Variants in GPATCH8 observed in about 807,000 individuals in gnomAD.
GPATCH8 encodes G patch domain-containing protein 8.
GPATCH8 carries 18 observed loss-of-function variants against 118.3 expected under a neutral mutation model. The ratio of observed to expected loss-of-function variants is 0.15; its 90% confidence interval spans 0.11 to 0.23. GPATCH8 has a LOEUF of 0.23. Among genes scored for constraint, GPATCH8 ranks in the 10% least tolerant of loss-of-function variants. The pLI, the probability that GPATCH8 is intolerant of heterozygous loss-of-function variation, is 1.00. For synonymous variants in GPATCH8, 659 were observed against 684.7 expected (o/e 0.96, Z 0.59); for missense variants, 1,631 against 1,873.8 (o/e 0.87, Z 2.39).
At chr17:44,436,979 G>A (rs1379721386) in intron 3 of GPATCH8, among the ~76,000 whole-genome samples, 1 of 151,828 alleles carries the variant, frequency 6.6e-6, no homozygotes, top group Non-Finnish European at 1.5e-5. Flanking sequence ...TGGTTAAATA[G>A]AAAAAGTACA....
At chr17:44,489,734 G>A (rs766748287) in intron 1 of GPATCH8, among the ~76,000 whole-genome samples, 20 of 152,156 alleles carry the variant, frequency 1.3e-4, no homozygotes, top group Non-Finnish European at 2.6e-4. Flanking sequence ...TATAATAATA[G>A]TAGTAGTAAT....
intron 6 of GPATCH8, among the ~76,000 whole-genome samples, chr17:44,420,987 G>C (rs1296772379): frequency 6.6e-6 from 1 of 151,908 alleles, no homozygotes; most frequent in African/African-American, 2.4e-5. Context: ...GAGCAGCTGG[G>C]ACTACTAGCC....
chr17:44,422,811 A>T lies in GPATCH8; in HGVS notation c.492+1538T>A, dbSNP rs141055058. 2.7e-3 allele frequency among the ~76,000 whole-genome samples: 409 copies of T among 152,040 alleles called. 1 individual carries two copies. The highest frequency in any genetic ancestry group is 9.2e-3 in the African/African-American group (380 of 41,458). ...ATTTTTAAATTATAAATACTTTGAA[A>T]AACTGGAAAAGGTCCTGGATAGAAG... On this transcript the variant is annotated intron_variant, in intron 6 of 7. Coordinates refer to ENST00000591680, the MANE Select transcript of GPATCH8 (RefSeq NM_001002909.4).
chr17:44,461,363 T>C (rs546958131), intron 3 of GPATCH8, among the ~76,000 whole-genome samples: 1 of 151,992 alleles, frequency 6.6e-6, no homozygotes, highest in African/African-American at 2.4e-5. Flanking sequence ...TTTTTTTTTT[T>C]TGTAGAGATG....
At position 44,397,576 on chromosome 17, in the gene GPATCH8, C is replaced by T; in HGVS notation, c.4501G>A (p.Gly1501Ser). The T allele has an allele frequency of 6.2e-7, 1 of 1,611,508 alleles. No individual in the cohort carries two copies. Among genetic ancestry groups the T allele is most frequent in the South Asian group, 1.1e-5 (1 of 91,022 alleles). The change falls in exon 8 of 8, where the codon GGC (glycine) becomes AGC (serine). Residue 1501 changes from glycine (G) to serine (S), a missense_variant. This residue lies in a region of GPATCH8 where 65 missense variants were observed against 105.3 expected (regional missense o/e 0.62). Coordinates refer to ENST00000591680, the MANE Select transcript of GPATCH8 (RefSeq NM_001002909.4). The part of the protein sequence containing the change: ...GQDLQHPPSH[G>S]T ...GGATCCCATCCCCCAACTCACGTGC[C>T]ATGGCTGGGGGGATGTTGCAGGTCC... is the stretch of plus-strand genomic sequence containing the variant.
intron 1 of GPATCH8, among the ~76,000 whole-genome samples, chr17:44,483,200 T>G (rs1298286781): frequency 1.3e-5 from 1 of 74,788 alleles, no homozygotes; most frequent in Non-Finnish European, 2.6e-5. Flanking sequence ...TATATATATA[T>G]ATATATATAT....
Position 44,400,456 on chromosome 17 carries a change from A to G in GPATCH8, c.1621T>C (p.Leu541=). ...AGGGCAGTGCTTTCATCTTTGCTCA[A>G]AACTGGGAAGAAGGGACCAGTAGGA... ...KHPTGPFFPV[L]SKDESTALQW... is the part of the protein sequence containing the mutation. The change falls in exon 8 of 8, where the codon TTG becomes CTG. Residue 541 remains leucine, a synonymous_variant. Transcript: ENST00000591680. The G allele has an allele frequency of 6.2e-7, 1 of 1,614,216 alleles. No homozygotes were observed. The highest frequency in any genetic ancestry group is 8.5e-7 in the Non-Finnish European group (1 of 1,180,028).
chr17:44,475,648 C>T (rs1967704664), intron 1 of GPATCH8, among the ~76,000 whole-genome samples: 1 of 151,804 alleles, frequency 6.6e-6, no homozygotes, highest in South Asian at 2.1e-4. Context: ...GAGCCGAGAT[C>T]GCACCACTGC....
At chr17:44,474,371 T>G (rs756842746) in intron 2 of GPATCH8, 4 of 233,710 alleles carry the variant, frequency 1.7e-5, no homozygotes. Context: ...TTCACAACAG[T>G]CTGGTAAATA....
chr17:44,483,154 CAAAAA>C (rs1178488342), intron 1 of GPATCH8, among the ~76,000 whole-genome samples: 1 of 846 alleles, frequency 1.2e-3, no homozygotes. Context: ...GACTCCGTCT[CAAAAA>C]AAAAAAAAAA....
chr17:44,398,469 A>G lies in GPATCH8; in HGVS notation c.3608T>C (p.Leu1203Ser). ...FPSEETTGPL[L>S]DPPPEESKSG... ...CTTTGACTCTTCTGGGGGTGGGTCT[A>G]ATAAGGGGCCAGTTGTTTCCTCTGA... is the stretch of plus-strand genomic sequence containing the variant. The change falls in exon 8 of 8, where the codon TTA becomes TCA. Residue 1203 changes from leucine to serine, a missense_variant. Coordinates refer to ENST00000591680, the MANE Select transcript of GPATCH8 (RefSeq NM_001002909.4). 2 of 1,611,302 alleles carry G rather than the reference A, an allele frequency of 1.2e-6. No individual in the cohort carries two copies. Among genetic ancestry groups the G allele is most frequent in the Non-Finnish European group, 1.7e-6 (2 of 1,178,454 alleles).
intron 6 of GPATCH8, among the ~76,000 whole-genome samples, chr17:44,411,490 A>G (rs1215817741): frequency 2.6e-5 from 4 of 152,214 alleles, no homozygotes; most frequent in African/African-American, 9.6e-5. Flanking sequence ...TTTCTCGAGT[A>G]TTTAAAATTG....
intron 3 of GPATCH8, among the ~76,000 whole-genome samples, chr17:44,453,678 C>T (rs1456878546): frequency 1.3e-5 from 2 of 152,050 alleles, no homozygotes; most frequent in African/African-American, 2.4e-5. Flanking sequence ...GTGCACATCA[C>T]CATGCCAGGC....
At chr17:44,435,174 A>G in intron 4 of GPATCH8, 23 bp from the exon 5 acceptor site, 1 of 1,072,422 alleles carries the variant, frequency 9.3e-7, no homozygotes. Context: ...AGATATGATT[A>G]GATTTAATTC....
chr17:44,447,888 G>C (rs935687673), intron 3 of GPATCH8, among the ~76,000 whole-genome samples: 2 of 152,176 alleles, frequency 1.3e-5, no homozygotes, highest in African/African-American at 4.8e-5. Flanking sequence ...GAACGCTCAA[G>C]GGTTCAGAAA....
At chr17:44,477,400 A>C (rs753057470) in intron 1 of GPATCH8, among the ~76,000 whole-genome samples, 5 of 152,032 alleles carry the variant, frequency 3.3e-5, no homozygotes, top group Non-Finnish European at 2.9e-5. Context: ...ATGCTACTGA[A>C]CTGTATCCTT....
intron 3 of GPATCH8, among the ~76,000 whole-genome samples, chr17:44,446,096 T>A (rs1464958476): frequency 6.6e-6 from 1 of 151,494 alleles, no homozygotes; most frequent in East Asian, 2.0e-4. Flanking sequence ...CTCACCACCA[T>A]GTGTGGCTAA....
chr17:44,500,645 C>A (rs1969987607), intron 1 of GPATCH8, among the ~76,000 whole-genome samples: 1 of 152,200 alleles, frequency 6.6e-6, no homozygotes. Context: ...AACTTTAAAT[C>A]ATCCTGCTAA....
Position 44,420,845 on chromosome 17 carries a change from AC to A in GPATCH8, c.492+3503del, listed in dbSNP as rs373622355. ...TATACATTATTGAAGTTTGAATTAT[AC>A]TTTTTCCTGGTTTACTTTTTTCTTT... On this transcript the variant is annotated intron_variant, in intron 6 of 7. Transcript: ENST00000591680. 4.6e-5 allele frequency among the ~76,000 whole-genome samples: 7 copies of A among 152,122 alleles called. No individual in the cohort carries two copies. The East Asian group carries it at 1.4e-3, about 29-fold the overall frequency.
Sources: gnomAD v4.1 joint callset for allele counts (sites outside exome capture counted in the v4.1 genomes callset) on GRCh38, gnomAD v4.1.1 for gene constraint, gnomAD v4.1.1 regional missense constraint, MANE v1.5 for transcripts, NCBI Gene and HGNC (gene_info 2026-07-23, HGNC 2026-07-21) for gene names.